Variants in FUT8 observed in about 807,000 individuals in gnomAD.
FUT8 encodes the protein alpha-(1,6)-fucosyltransferase.
FUT8 carries 29 observed loss-of-function variants against 71.3 expected under a neutral mutation model. That is an observed-to-expected ratio of 0.41 (90% CI 0.30 to 0.55). The LOEUF is 0.55. Ranked by LOEUF, FUT8 falls within the 20% of genes least tolerant of loss-of-function variation. The pLI is 0.34. For synonymous variants in FUT8, 254 were observed against 239.3 expected (o/e 1.06, Z -0.57); for missense variants, 544 against 702.1 (o/e 0.77, Z 2.55).
chr14:65,440,466 C>A (rs1376552138), intron 1 of FUT8, among the ~76,000 whole-genome samples: 1 of 151,700 alleles, frequency 6.6e-6, no homozygotes, highest in Non-Finnish European at 1.5e-5. Flanking sequence ...CAGACATATG[C>A]CACCATGCCC....
rs200701900 is a variant in FUT8, at chr14:65,550,060, AAAAAC to A, written c.-227-11257_-227-11253del. On this transcript the variant is annotated intron_variant, in intron 2 of 10. Transcript: ENST00000673929. This position sits in a 1 kb window ranked among gnomAD's most constrained non-coding sequence, Gnocchi z 4.5. ...TGGGTGACAGAGCGAGACTCTGTCTAAAAACAAAACAAAACAAAACAAAAAAGTTT... is the reference window on the plus strand; with the variant it reads ...TGGGTGACAGAGCGAGACTCTGTCTAAAAACAAAACAAAACAAAAAAGTTT... Among the ~76,000 whole-genome samples, 615 of 152,188 alleles carry A rather than the reference AAAAAC, an allele frequency of 4.0e-3. 15 individuals carry two copies. The East Asian group carries it at 0.074, about 18-fold the overall frequency.
At chr14:65,499,583 G>C (rs2066613507) in intron 2 of FUT8, among the ~76,000 whole-genome samples, 1 of 152,100 alleles carries the variant, frequency 6.6e-6, no homozygotes, top group African/African-American at 2.4e-5. Flanking sequence ...GGAGGCCGAG[G>C]TGGGAGGATT....
chr14:65,687,230 T>G (rs1470466619), intron 7 of FUT8, among the ~76,000 whole-genome samples: 1 of 152,216 alleles, frequency 6.6e-6, no homozygotes, highest in African/African-American at 2.4e-5. Context: ...TACCAGTTAC[T>G]AGGATATCAT....
intron 2 of FUT8, among the ~76,000 whole-genome samples, chr14:65,482,450 G>A (rs376259461): frequency 1.1e-4 from 16 of 152,202 alleles, no homozygotes; most frequent in Non-Finnish European, 2.1e-4. Context: ...GAAGCTGAAT[G>A]TAATTTTGCT....
Position 65,594,329 on chromosome 14 carries a change from G to T in FUT8, c.204-21649G>T, listed in dbSNP as rs544074500. Among the ~76,000 whole-genome samples the T allele has an allele frequency of 5.9e-5, 9 of 152,326 alleles. 1 individual carries two copies. Among genetic ancestry groups the T allele is most frequent in the African/African-American group, 1.7e-4 (7 of 41,582 alleles). On this transcript the variant is annotated intron_variant, in intron 3 of 10. Coordinates refer to ENST00000673929, the MANE Select transcript of FUT8 (RefSeq NM_001371533.1). ...CAGGAGGGAGCATGCAAGTGAGTGA[G>T]TGCAGGGACTGCCAGCTGCTTCAGC...
intron 7 of FUT8, among the ~76,000 whole-genome samples, chr14:65,675,952 G>A (rs1386592026): frequency 3.3e-5 from 5 of 152,064 alleles, no homozygotes; most frequent in African/African-American, 1.2e-4. Context: ...AGCCGAGATC[G>A]CGCCACTGCA....
intron 2 of FUT8, among the ~76,000 whole-genome samples, chr14:65,494,846 A>G (rs886981018): frequency 6.6e-6 from 1 of 152,116 alleles, no homozygotes; most frequent in Non-Finnish European, 1.5e-5. Flanking sequence ...GATATTTTTT[A>G]TACTTAAGGA....
chr14:65,741,585 G>A (rs556520397), intron 10 of FUT8, among the ~76,000 whole-genome samples: 1 of 152,004 alleles, frequency 6.6e-6, no homozygotes, highest in African/African-American at 2.4e-5. Flanking sequence ...AAAGAAAACA[G>A]TTCTGACACC....
chr14:65,576,482 T>C (rs1886778743), intron 3 of FUT8, among the ~76,000 whole-genome samples: 1 of 152,106 alleles, frequency 6.6e-6, no homozygotes, highest in Non-Finnish European at 1.5e-5. Context: ...ATAGTAATAT[T>C]ATTCTTAGGC....
chr14:65,434,638 C>A (rs973051335), intron 1 of FUT8, among the ~76,000 whole-genome samples: 2 of 152,174 alleles, frequency 1.3e-5, no homozygotes, highest in Admixed American at 1.3e-4. Flanking sequence ...GGGAAGGGAA[C>A]TAGAATTTAA....
the FUT8 span, among the ~76,000 whole-genome samples, chr14:65,388,815 T>C: frequency 6.6e-6 from 1 of 151,874 alleles, no homozygotes; most frequent in Non-Finnish European, 1.5e-5. Flanking sequence ...GATTTGCTAG[T>C]GGTACATCCA....
At chr14:65,528,558 G>A (rs773585433) in intron 2 of FUT8, among the ~76,000 whole-genome samples, 6 of 152,132 alleles carry the variant, frequency 3.9e-5, no homozygotes, top group Non-Finnish European at 5.9e-5. Flanking sequence ...CCACTGTCCT[G>A]CATCCACTGT....
At chr14:65,393,829 G>A in the FUT8 span, among the ~76,000 whole-genome samples, 1 of 152,186 alleles carries the variant, frequency 6.6e-6, no homozygotes, top group Admixed American at 6.5e-5. Flanking sequence ...AAGAAAGAGA[G>A]ATTTAATGGA....
intron 6 of FUT8, among the ~76,000 whole-genome samples, chr14:65,668,711 A>C (rs986947151): frequency 1.3e-5 from 2 of 152,194 alleles, no homozygotes; most frequent in Non-Finnish European, 2.9e-5. Context: ...TCATTCTGCT[A>C]TAAAGACACA....
In FUT8 at chr14:65,724,299, C is replaced by G; in HGVS notation, c.1235C>G (p.Ser412Cys). ...KRVYLATDDP[S>C]LLKEAKTKYP... The stretch of plus-strand genomic sequence containing the variant: ...GTGTATTTGGCCACAGATGACCCTT[C>G]TTTATTAAAGGAGGCAAAAACAAAG... Residue 412 changes from serine (S) to cysteine (C), a missense_variant, in exon 9 of 11, where the codon TCT (serine) becomes TGT (cysteine). Coordinates refer to ENST00000673929, the MANE Select transcript of FUT8 (RefSeq NM_001371533.1). The G allele has an allele frequency of 6.2e-7, 1 of 1,607,764 alleles. No homozygotes were observed. Among genetic ancestry groups the G allele is most frequent in the Non-Finnish European group, 8.5e-7 (1 of 1,178,114 alleles).
intron 1 of FUT8, among the ~76,000 whole-genome samples, chr14:65,442,111 A>G (rs1254628216): frequency 2.0e-5 from 3 of 151,896 alleles, no homozygotes; most frequent in Admixed American, 2.0e-4. Context: ...GGCTCCCTAG[A>G]TAATTCTTAG....
At chr14:65,724,117 T>C in intron 8 of FUT8, 30 bp from the exon 9 acceptor site, 1 of 1,530,248 alleles carries the variant, frequency 6.5e-7, no homozygotes, top group Non-Finnish European at 8.8e-7. Flanking sequence ...TGTCAGTACA[T>C]TACCAGTAGA....
intron 3 of FUT8, among the ~76,000 whole-genome samples, chr14:65,593,558 G>A (rs1247834283): frequency 1.3e-5 from 2 of 150,788 alleles, no homozygotes; most frequent in East Asian, 1.9e-4. Flanking sequence ...TCTAAGGTGC[G>A]CTCTTCTTTT....
the FUT8 span, among the ~76,000 whole-genome samples, chr14:65,391,520 T>G: frequency 1.3e-5 from 2 of 152,182 alleles, no homozygotes; most frequent in Non-Finnish European, 1.5e-5. Flanking sequence ...CAAACTCAGC[T>G]ATTTTTTGTG....
Sources: allele counts gnomAD v4.1 joint callset (sites outside exome capture counted in the v4.1 genomes callset), GRCh38; gene constraint gnomAD v4.1.1; non-coding constraint Gnocchi (gnomAD v3.1); transcripts MANE v1.5; gene names NCBI Gene and HGNC (gene_info 2026-07-23, HGNC 2026-07-21).